Variants in SH3GL2 observed in about 807,000 individuals in gnomAD.
SH3GL2 encodes endophilin-A1.
A neutral mutation model predicts 46.0 loss-of-function variants in SH3GL2; 24 were observed. That is an observed-to-expected ratio of 0.52 (90% CI 0.38 to 0.73). The LOEUF is 0.73. Ranked by LOEUF, SH3GL2 falls within the 30% of genes least tolerant of loss-of-function variation. The probability of loss-of-function intolerance (pLI) is 0.00; values close to 1 mark genes in which losing one functional copy is unlikely to be tolerated. For missense variants in SH3GL2, 413 were observed against 424.2 expected, an observed-to-expected ratio of 0.97 and a Z score of 0.23; for synonymous variants, 196 against 147.1, an observed-to-expected ratio of 1.33 and a Z score of -2.40.
intron 3 of SH3GL2, among the ~76,000 whole-genome samples, chr9:17,765,972 A>T (rs1823306203): frequency 6.6e-6 from 1 of 152,212 alleles, no homozygotes; most frequent in African/African-American, 2.4e-5. Flanking sequence ...AGGAGGAAAA[A>T]TTCTTCCTTT....
At chr9:17,753,028 A>G (rs945394065) in intron 2 of SH3GL2, among the ~76,000 whole-genome samples, 1 of 152,138 alleles carries the variant, frequency 6.6e-6, no homozygotes, top group South Asian at 2.1e-4. Context: ...TGTCCCTGCA[A>G]AGAACCTGCT....
intron 1 of SH3GL2, among the ~76,000 whole-genome samples, chr9:17,682,373 G>T (rs1397457345): frequency 6.6e-6 from 1 of 152,200 alleles, no homozygotes; most frequent in Non-Finnish European, 1.5e-5. Context: ...GGAATACTAT[G>T]CAGCTATGTG....
chr9:17,761,685 A>G, intron 3 of SH3GL2, 176 bp downstream of exon 3: 1 of 671,326 alleles, frequency 1.5e-6, no homozygotes. Flanking sequence ...GGGCTTTTTA[A>G]AGCTCACATT....
At chr9:17,743,219 G>C (rs571950723) in intron 1 of SH3GL2, among the ~76,000 whole-genome samples, 89 of 152,246 alleles carry the variant, frequency 5.8e-4, no homozygotes, top group Non-Finnish European at 7.4e-4. Flanking sequence ...GAATGAGTCA[G>C]TTGTTACATA....
intron 1 of SH3GL2, among the ~76,000 whole-genome samples, chr9:17,705,512 A>G (rs1429361816): frequency 2.0e-5 from 3 of 152,028 alleles, no homozygotes; most frequent in African/African-American, 7.2e-5. Context: ...GATATAGAAA[A>G]TATGTATCAT....
At chr9:17,693,939 G>A (rs1201375155) in intron 1 of SH3GL2, among the ~76,000 whole-genome samples, 1 of 152,126 alleles carries the variant, frequency 6.6e-6, no homozygotes, top group Non-Finnish European at 1.5e-5. Context: ...GTGGAGAAGA[G>A]GAAGCTTATT....
At chr9:17,583,099 T>C (rs1818307402) in intron 1 of SH3GL2, among the ~76,000 whole-genome samples, 1 of 152,228 alleles carries the variant, frequency 6.6e-6, no homozygotes, top group African/African-American at 2.4e-5. Flanking sequence ...GGGGCACAGT[T>C]CAATCCATAA....
chr9:17,733,736 A>G (rs538347252), intron 1 of SH3GL2, among the ~76,000 whole-genome samples: 86 of 152,270 alleles, frequency 5.6e-4, no homozygotes, highest in African/African-American at 2.0e-3. Flanking sequence ...TCCAACAATG[A>G]TAGACTGGAT....
chr9:17,711,623 A>G (rs1372927633), intron 1 of SH3GL2, among the ~76,000 whole-genome samples: 2 of 151,952 alleles, frequency 1.3e-5, no homozygotes, highest in East Asian at 3.9e-4. Flanking sequence ...TTGAGACTCC[A>G]TGTTTTTGTG....
At chr9:17,757,640 A>C (rs1433076034) in intron 2 of SH3GL2, among the ~76,000 whole-genome samples, 1 of 152,202 alleles carries the variant, frequency 6.6e-6, no homozygotes, top group African/African-American at 2.4e-5. Context: ...ACTTACTTTC[A>C]AATAGTAATT....
At chr9:17,645,233 G>T (rs1241748842) in intron 1 of SH3GL2, among the ~76,000 whole-genome samples, 1 of 122,060 alleles carries the variant, frequency 8.2e-6, no homozygotes, top group Non-Finnish European at 1.6e-5. Context: ...TTGAGCCTGT[G>T]TGTGCTTTTG....
intron 1 of SH3GL2, among the ~76,000 whole-genome samples, chr9:17,716,863 C>T (rs1053018410): frequency 9.9e-5 from 15 of 152,090 alleles, no homozygotes; most frequent in African/African-American, 3.6e-4. Flanking sequence ...TTTGTTTCCT[C>T]TCAGTCAGGG....
intron 1 of SH3GL2, among the ~76,000 whole-genome samples, chr9:17,717,153 G>A (rs1342575141): frequency 6.6e-6 from 1 of 152,096 alleles, no homozygotes; most frequent in African/African-American, 2.4e-5. Flanking sequence ...GCTGTCTCAA[G>A]GGACAGACTT....
chr9:17,668,454 C>G (rs1028215635), intron 1 of SH3GL2, among the ~76,000 whole-genome samples: 6 of 152,090 alleles, frequency 3.9e-5, no homozygotes, highest in Non-Finnish European at 8.8e-5. Context: ...TGTCATTTGT[C>G]TTTTGAGATT....
chr9:17,734,120 A>G (rs111847144), intron 1 of SH3GL2, among the ~76,000 whole-genome samples: 30 of 152,248 alleles, frequency 2.0e-4, no homozygotes, highest in African/African-American at 6.3e-4. Context: ...TCATCACTCC[A>G]TAACAGGTGC....
chr9:17,784,986 T>C (rs1239080824), intron 3 of SH3GL2, among the ~76,000 whole-genome samples: 2 of 152,206 alleles, frequency 1.3e-5, no homozygotes, highest in Non-Finnish European at 2.9e-5. Flanking sequence ...GTGCTGGGAT[T>C]ATAGGCATAA....
chr9:17,579,762 C>T (rs1818242565), intron 1 of SH3GL2, among the ~76,000 whole-genome samples: 1 of 152,140 alleles, frequency 6.6e-6, no homozygotes, highest in Non-Finnish European at 1.5e-5. Context: ...GGTTTGCGCT[C>T]CTCTCCCTTA....
intron 1 of SH3GL2, among the ~76,000 whole-genome samples, chr9:17,656,841 C>T (rs1820091022): frequency 1.4e-5 from 2 of 146,134 alleles, no homozygotes; most frequent in South Asian, 2.3e-4. Flanking sequence ...CATGTGATTA[C>T]TTGACACGTT....
intron 1 of SH3GL2, among the ~76,000 whole-genome samples, chr9:17,668,655 T>C (rs1042453797): frequency 2.0e-5 from 3 of 152,022 alleles, no homozygotes; most frequent in African/African-American, 7.2e-5. Flanking sequence ...CAGAACCATT[T>C]ATTTTATTTT....
Sources: gnomAD v4.1 joint callset for allele counts (sites outside exome capture counted in the v4.1 genomes callset) on GRCh38, gnomAD v4.1.1 for gene constraint, MANE v1.5 for transcripts, NCBI Gene and HGNC (gene_info 2026-07-23, HGNC 2026-07-21) for gene names.